Variants in TAC4 observed in about 807,000 individuals in gnomAD.
The protein encoded by TAC4 is tachykinin-4.
In TAC4, 17 loss-of-function variants were observed where a neutral mutation model predicts 17.7. The observed-to-expected ratio is 0.96, with a 90% CI of 0.66 to 1.44. The LOEUF is 1.44. TAC4 is among the 40% of genes most tolerant of loss of function. The pLI, the probability that TAC4 is intolerant of heterozygous loss-of-function variation, is 0.00. For missense variants in TAC4, 118 were observed against 125.6 expected (o/e 0.94, Z 0.29); for synonymous variants, 62 against 52.4 (o/e 1.18, Z -0.79).
At chr17:49,847,078 C>T (rs766183946) in intron 1 of TAC4, 24 of 1,289,970 alleles carry the variant, frequency 1.9e-5, no homozygotes, top group South Asian at 1.7e-4. Context: ...TGGCTCTTCC[C>T]GTGGCTCCAT....
At position 49,844,173 on chromosome 17, in the gene TAC4, G is replaced by A. The variant is rs776049256; in HGVS notation, c.106-16C>T. ...CAGCGCCTTCCTGAAGAAGCAGAGA[G>A]TTAGTGTTAGAGTTGGGAGGTTGTC... On this transcript the variant is annotated splice_polypyrimidine_tract_variant and intron_variant, in intron 1 of 4. Coordinates refer to ENST00000436235, the MANE Select transcript of TAC4 (RefSeq NM_001077506.2). 1.6e-5 allele frequency: 26 copies of A among 1,613,164 alleles called. No individual in the cohort carries two copies. The highest frequency in any genetic ancestry group is 1.6e-4 in the Middle Eastern group (1 of 6,082).
chr17:49,841,448 C>T, intron 3 of TAC4, 104 bp downstream of exon 3: 13 of 1,254,820 alleles, frequency 1.0e-5, no homozygotes, highest in Admixed American at 2.8e-5. Flanking sequence ...GCCTGGCTTG[C>T]CCCTGGCCAG....
chr17:49,847,228 G>A (rs1272939613), intron 1 of TAC4: 2 of 1,289,940 alleles, frequency 1.6e-6, no homozygotes, highest in Non-Finnish European at 2.0e-6. Flanking sequence ...CCTGAGCACT[G>A]GCCTCTTATT....
chr17:49,847,032 G>A (rs997284717), intron 1 of TAC4: 49 of 1,290,008 alleles, frequency 3.8e-5, no homozygotes, highest in South Asian at 8.6e-5. Context: ...CAGACAAACC[G>A]GAAAGGAAAC....
chr17:49,846,914 C>A, intron 1 of TAC4: 3 of 1,259,322 alleles, frequency 2.4e-6, no homozygotes, highest in Non-Finnish European at 3.1e-6. Flanking sequence ...GGGGTCACTT[C>A]CCTCCTCCGT....
intron 1 of TAC4, chr17:49,847,005 G>A: frequency 7.8e-7 from 1 of 1,290,106 alleles, no homozygotes; most frequent in Non-Finnish European, 1.0e-6. Context: ...TCTCCTCACT[G>A]CACACACTTC....
rs553901948 is a variant in TAC4 at position 49,844,289 on chromosome 17, C to T, written c.106-132G>A. The T allele has an allele frequency of 8.4e-5, 62 of 738,238 alleles. 1 individual carries two copies. The South Asian group carries it at 9.3e-4, about 11-fold the overall frequency. The allele number at this position is 738,238 out of a possible 1,614,324, so 45.7% of individuals were successfully genotyped here. A position where few individuals can be genotyped will look rare whatever the true frequency, so the allele number is the denominator to read the frequency against. On this transcript the variant is annotated intron_variant, in intron 1 of 4. Transcript: ENST00000436235. ...CTTGCTGTGCACTGGCACTGGGCAC[C>T]TCAGCATATTTTACACAGTACTGCA...
chr17:49,846,214 G>C (rs781311903), intron 1 of TAC4: 1 of 1,288,926 alleles, frequency 7.8e-7, no homozygotes, highest in South Asian at 1.2e-5. Flanking sequence ...GATGACTACA[G>C]GTTGGGGGAG....
chr17:49,839,068 C>A (rs1460623470), intron 4 of TAC4, among the ~76,000 whole-genome samples: 1 of 152,138 alleles, frequency 6.6e-6, no homozygotes, highest in African/African-American at 2.4e-5. Context: ...GTATTCCTGC[C>A]CACACCATGC....
At chr17:49,839,931 G>A in intron 3 of TAC4, 22 bp from the exon 4 acceptor site, 1 of 1,611,454 alleles carries the variant, frequency 6.2e-7, no homozygotes, top group Non-Finnish European at 8.5e-7. Flanking sequence ...AGAGAGAAGT[G>A]GTAGAGGAGA....
rs2074551593 is a variant in TAC4, at chr17:49,847,506, C to A, written c.105+407G>T. 8.5e-6 allele frequency: 3 copies of A among 353,210 alleles called. 1 individual carries two copies. The highest frequency in any genetic ancestry group is 6.8e-5 in the South Asian group (3 of 43,966). 21.9% of individuals were successfully genotyped at this position (353,210 alleles called of 1,614,324 possible). On this transcript the variant is annotated intron_variant, in intron 1 of 4. Transcript: ENST00000436235. ...TAGTTGTGCTTTTGAAGCTGTGCAACCTTGGACAAACTACTTGACTTCTCT... is the reference window on the plus strand; with the variant it reads ...TAGTTGTGCTTTTGAAGCTGTGCAAACTTGGACAAACTACTTGACTTCTCT...
Position 49,842,825 on chromosome 17 carries a change from G to A in TAC4, c.199+1239C>T, listed in dbSNP as rs551247410. 2.6e-5 allele frequency among the ~76,000 whole-genome samples: 4 copies of A among 152,266 alleles called. No individual in the cohort carries two copies. In the South Asian group the frequency reaches 8.3e-4, roughly 32 times the overall value. The stretch of plus-strand genomic sequence containing the variant: ...ACTTTCCCCATGCATTTGCATATCT[G>A]TGTGTATGTCGTTTTTTAAAAACAA... On this transcript the variant is annotated intron_variant, in intron 2 of 4. Transcript: ENST00000436235.
At chr17:49,841,083 G>C (rs546255790) in intron 3 of TAC4, among the ~76,000 whole-genome samples, 1 of 141,578 alleles carries the variant, frequency 7.1e-6, no homozygotes, top group African/African-American at 2.6e-5. Context: ...ATTTTTAGTC[G>C]CCATGTTGGC....
chr17:49,847,862 C>T, intron 1 of TAC4, 51 bp downstream of exon 1: 1 of 1,612,878 alleles, frequency 6.2e-7, no homozygotes, highest in South Asian at 1.1e-5. Context: ...CCGATTATCC[C>T]CTGCCCTCGT....
chr17:49,840,028 G>T lies in TAC4; in HGVS notation c.233-119C>A, dbSNP rs1276340944. The T allele has an allele frequency of 1.5e-5, 12 of 806,092 alleles. No homozygotes were observed. The Admixed American group carries it at 3.1e-4, about 21-fold the overall frequency. 49.9% of individuals were successfully genotyped at this position (806,092 alleles called of 1,614,324 possible). A position where few individuals can be genotyped will look rare whatever the true frequency, so the allele number is the denominator to read the frequency against. ...GGGCCGGGGCCAGGGCTGGGGCCTT[G>T]CAAATGGGATCATTTCTCTGTCATC... On this transcript the variant is annotated intron_variant, in intron 3 of 4. Transcript: ENST00000436235.
rs975260338 is a variant in TAC4, at chr17:49,844,046, A to G, written c.199+18T>C. The G allele has an allele frequency of 6.2e-7, 1 of 1,612,320 alleles. No homozygotes were observed. The highest frequency in any genetic ancestry group is 1.3e-5 in the African/African-American group (1 of 74,840). On this transcript the variant is annotated intron_variant, in intron 2 of 4. Transcript: ENST00000436235. ...TCAGAACCCCTGCTTGCTGGGCTCC[A>G]TTGTCATTGTCACTCACCTCCCACT...
At chr17:49,842,989 T>A (rs535844330) in intron 2 of TAC4, among the ~76,000 whole-genome samples, 5 of 152,346 alleles carry the variant, frequency 3.3e-5, no homozygotes, top group African/African-American at 1.2e-4. Flanking sequence ...TGTAATAGAT[T>A]TTGACCATTC....
rs556868765 is a variant in TAC4, at chr17:49,840,627, T to C, written c.233-718A>G. On this transcript the variant is annotated intron_variant, in intron 3 of 4. Coordinates refer to ENST00000436235, the MANE Select transcript of TAC4 (RefSeq NM_001077506.2). ...AAGCGATTCTCCTGCCTCAGCCTCC[T>C]GAGTAGCTGGGATGACAGGCACCCG... is the stretch of plus-strand genomic sequence containing the variant. Among the ~76,000 whole-genome samples the C allele has an allele frequency of 2.6e-5, 4 of 151,904 alleles. No homozygotes were observed. The South Asian group carries it at 6.2e-4, about 24-fold the overall frequency.
At chr17:49,844,407 CAG>C (rs988855427) in intron 1 of TAC4, among the ~76,000 whole-genome samples, 4 of 152,052 alleles carry the variant, frequency 2.6e-5, no homozygotes, top group African/African-American at 9.7e-5. Flanking sequence ...ACCAGGAAAA[CAG>C]TACCCTAAGT....
Sources: gnomAD v4.1 joint callset for allele counts (sites outside exome capture counted in the v4.1 genomes callset) on GRCh38, gnomAD v4.1.1 for gene constraint, MANE v1.5 for transcripts, NCBI Gene and HGNC (gene_info 2026-07-23, HGNC 2026-07-21) for gene names.